The following ROBO2 variants were observed in gnomAD, a reference collection of about 807,000 sequenced individuals.
ROBO2 encodes the protein roundabout guidance receptor 2.
Under a neutral mutation model 160.8 loss-of-function variants are expected in ROBO2, and 53 were observed. That is an observed-to-expected ratio of 0.33 (90% confidence interval 0.26 to 0.41). The LOEUF is 0.41. Ranked by LOEUF, ROBO2 falls within the 10% of genes least tolerant of loss-of-function variation. The probability of loss-of-function intolerance (pLI) is 1.00; values close to 1 mark genes in which losing one functional copy is unlikely to be tolerated. For missense variants in ROBO2, 1,577 were observed against 1,722.4 expected (o/e 0.92, Z 1.49); for synonymous variants, 664 against 611.7 (o/e 1.09, Z -1.26).
intron 2 of ROBO2, among the ~76,000 whole-genome samples, chr3:76,121,253 C>T (rs893306820): frequency 2.6e-5 from 4 of 152,098 alleles, no homozygotes; most frequent in Non-Finnish European, 5.9e-5. Context: ...AGATTACTAT[C>T]TTTGGCATAT....
intron 2 of ROBO2, among the ~76,000 whole-genome samples, chr3:76,693,006 G>A (rs900015888): frequency 3.0e-4 from 44 of 147,048 alleles, no homozygotes; most frequent in African/African-American, 1.1e-3. Context: ...ATATATGTAT[G>A]TATATACACA....
intron 2 of ROBO2, among the ~76,000 whole-genome samples, chr3:76,053,586 A>G (rs570692651): frequency 2.0e-4 from 30 of 152,098 alleles, no homozygotes; most frequent in Non-Finnish European, 3.5e-4. Context: ...ATAGAAGTCA[A>G]AAGAAATGTT....
At chr3:77,131,520 A>G (rs962037873) in intron 2 of ROBO2, among the ~76,000 whole-genome samples, 3 of 152,236 alleles carry the variant, frequency 2.0e-5, no homozygotes, top group African/African-American at 7.2e-5. Context: ...CCAACCAACA[A>G]ACAAAAATCA....
chr3:76,801,168 A>G (rs2064168777), intron 2 of ROBO2, among the ~76,000 whole-genome samples: 1 of 152,202 alleles, frequency 6.6e-6, no homozygotes. Context: ...CAAACTTTGC[A>G]TGTTCTCACT....
intron 1 of ROBO2, among the ~76,000 whole-genome samples, chr3:75,935,625 G>A (rs1947739990): frequency 7.2e-5 from 11 of 152,180 alleles, no homozygotes; most frequent in South Asian, 4.1e-4. Flanking sequence ...GTTCAACTTG[G>A]GAAAGGCTGT....
chr3:77,493,148 A>G lies in ROBO2; in HGVS notation c.668-96A>G, dbSNP rs150518882. 2.4e-4 allele frequency: 330 copies of G among 1,359,548 alleles called. 1 individual carries two copies. In the African/African-American group the frequency reaches 4.3e-3, roughly 18 times the overall value. 84.2% of individuals were successfully genotyped at this position (1,359,548 alleles called of 1,614,324 possible). ...TACAGAGTTAGGTACCTGTGTACCA[A>G]AAGTAAATTAGGTTTCCTTTGCTTT... On this transcript the variant is annotated intron_variant, in intron 4 of 25. Transcript: ENST00000461745.
intron 2 of ROBO2, among the ~76,000 whole-genome samples, chr3:77,153,743 A>G (rs953832649): frequency 4.6e-5 from 7 of 152,132 alleles, no homozygotes; most frequent in Non-Finnish European, 1.0e-4. Context: ...TATAAATGAC[A>G]TCTAGGTTAA....
intron 2 of ROBO2, among the ~76,000 whole-genome samples, chr3:76,166,543 A>G (rs1353626660): frequency 6.6e-6 from 1 of 152,098 alleles, no homozygotes; most frequent in Non-Finnish European, 1.5e-5. Context: ...CTCAACCTCT[A>G]AATAAATCCT....
At chr3:76,049,403 A>ATATATATATATATATTTT (rs1414664360) in intron 2 of ROBO2, among the ~76,000 whole-genome samples, 4 of 53,758 alleles carry the variant, frequency 7.4e-5, no homozygotes, top group African/African-American at 5.8e-4. Flanking sequence ...ATATATATAT[A>ATATATATATATATATTTT]TTTTTTTTTT....
At chr3:76,747,824 G>A (rs183582892) in intron 2 of ROBO2, among the ~76,000 whole-genome samples, 59 of 151,900 alleles carry the variant, frequency 3.9e-4, no homozygotes, top group African/African-American at 1.4e-3. Context: ...CAAATTATTG[G>A]AATACTGAAA....
intron 2 of ROBO2, among the ~76,000 whole-genome samples, chr3:76,225,861 T>C (rs1312785051): frequency 6.6e-6 from 1 of 152,130 alleles, no homozygotes; most frequent in Non-Finnish European, 1.5e-5. Context: ...ACCAAAAAAC[T>C]CTAAACATTG....
intron 2 of ROBO2, among the ~76,000 whole-genome samples, chr3:75,993,062 T>C (rs2065620170): frequency 6.6e-6 from 1 of 152,160 alleles, no homozygotes; most frequent in Non-Finnish European, 1.5e-5. Flanking sequence ...TTGTCTCAGA[T>C]GAAACTTTGG....
chr3:76,797,824 A>G (rs2108802981), intron 2 of ROBO2, among the ~76,000 whole-genome samples: 1 of 152,110 alleles, frequency 6.6e-6, no homozygotes, highest in East Asian at 1.9e-4. Context: ...ACCTAAAAGA[A>G]ATGGGTAAAT....
At chr3:77,308,055 A>G (rs1004414956) in intron 2 of ROBO2, among the ~76,000 whole-genome samples, 8 of 151,920 alleles carry the variant, frequency 5.3e-5, no homozygotes, top group Non-Finnish European at 1.2e-4. Flanking sequence ...AAAAATATTG[A>G]CAATATATGA....
intron 5 of ROBO2, among the ~76,000 whole-genome samples, chr3:77,509,234 G>A (rs13077150): frequency 0.38 from 57,152 of 151,830 alleles, 11,105 homozygotes; most frequent in Admixed American, 0.47. Flanking sequence ...TCTTCAGGTG[G>A]GAAGGTAGGA....
chr3:76,807,761 G>C (rs991775935), intron 2 of ROBO2, among the ~76,000 whole-genome samples: 1 of 151,990 alleles, frequency 6.6e-6, no homozygotes, highest in Non-Finnish European at 1.5e-5. Flanking sequence ...AAGGGCATCA[G>C]TTATATGTAT....
intron 2 of ROBO2, among the ~76,000 whole-genome samples, chr3:77,382,200 AAC>A (rs1290241529): frequency 6.6e-6 from 1 of 152,192 alleles, no homozygotes; most frequent in Non-Finnish European, 1.5e-5. Flanking sequence ...CGTAAGAGTG[AAC>A]CGGAAATGGA....
intron 2 of ROBO2, among the ~76,000 whole-genome samples, chr3:76,750,980 A>G (rs1576412716): frequency 1.3e-5 from 2 of 152,172 alleles, no homozygotes; most frequent in Admixed American, 6.5e-5. Context: ...AAGAGCCCAC[A>G]TTGCCAAGAC....
At chr3:76,284,196 A>T (rs574779764) in intron 2 of ROBO2, among the ~76,000 whole-genome samples, 2 of 152,068 alleles carry the variant, frequency 1.3e-5, no homozygotes, top group Admixed American at 1.3e-4. Flanking sequence ...TAGCGTACAC[A>T]TATAGGAAAA....
Sources: allele counts gnomAD v4.1 joint callset (sites outside exome capture counted in the v4.1 genomes callset), GRCh38; gene constraint gnomAD v4.1.1; transcripts MANE v1.5; gene names NCBI Gene and HGNC (gene_info 2026-07-23, HGNC 2026-07-21).